The following TRPM4 variants were observed in gnomAD, a reference collection of about 807,000 sequenced individuals.
TRPM4 encodes transient receptor potential cation channel subfamily M member 4.
Under a neutral mutation model 135.6 loss-of-function variants are expected in TRPM4, and 124 were observed. The ratio of observed to expected loss-of-function variants is 0.91; its 90% CI spans 0.79 to 1.06. The LOEUF is 1.06. Among genes scored for constraint, TRPM4 ranks in the 50% least tolerant of loss-of-function variants. TRPM4 has a pLI of 0.00. For synonymous variants in TRPM4, 745 were observed against 705.6 expected (o/e 1.06, Z -0.88); for missense variants, 1,658 against 1,671.4 (o/e 0.99, Z 0.14).
At position 49,182,934 on chromosome 19, in the gene TRPM4, G is replaced by A. The variant is rs1163716204; in HGVS notation, c.1608+12G>A. On this transcript the variant is annotated intron_variant, in intron 11 of 24. Coordinates refer to ENST00000252826, the MANE Select transcript of TRPM4 (RefSeq NM_017636.4). ...GCTTCGGGGAGAGCGTAAGGACCGG[G>A]CAAAGCTGGGGGGCCCCCCCGCGCG... 3 of 1,584,502 alleles carry A rather than the reference G, an allele frequency of 1.9e-6. No homozygotes were observed. The highest frequency in any genetic ancestry group is 1.7e-5 in the Admixed American group (1 of 57,988).
rs76139110 is a variant in TRPM4, at chr19:49,202,022, T to C, written c.3012T>C (p.Pro1004=). 5.6e-5 allele frequency: 91 copies of C among 1,613,596 alleles called. No individual in the cohort carries two copies. Among genetic ancestry groups the C allele is most frequent in the Middle Eastern group, 1.6e-4 (1 of 6,084 alleles). Residue 1004 remains proline (P), a synonymous_variant, in exon 20 of 25, where the codon CCT becomes CCC. Coordinates refer to ENST00000252826, the MANE Select transcript of TRPM4 (RefSeq NM_017636.4). ...SSEPGFWAHP[P]GAQAGTCVSQ... ...AGCCCGGCTTCTGGGCACACCCTCCTGGGGCCCAGGCGGGCACCTGCGTCT... is the reference window on the plus strand; with the variant it reads ...AGCCCGGCTTCTGGGCACACCCTCCCGGGGCCCAGGCGGGCACCTGCGTCT...
chr19:49,189,078 AG>A lies in TRPM4; in HGVS notation c.2008del (p.Asp670MetfsTer7). On this transcript the variant is annotated frameshift_variant, in exon 14 of 25. Coordinates refer to ENST00000252826, the MANE Select transcript of TRPM4 (RefSeq NM_017636.4). LOFTEE classifies it high-confidence loss of function. ...GCTGACGCCCGTGCCTTCTTTGCCC[AG>A]GATGGGGTACAGGTGAGTATCTGCG... ...MQADARAFFAQDGVQSLLTQK... is the reference protein window; with the variant it reads ...MQADARAFFAXDGVQSLLTQK... 6.2e-7 allele frequency: 1 copy of A among 1,614,164 alleles called. No homozygotes were observed.
intron 2 of TRPM4, 90 bp from the exon 3 acceptor site, chr19:49,165,951 A>G (rs541517091): frequency 5.4e-5 from 72 of 1,339,836 alleles, no homozygotes; most frequent in Non-Finnish European, 6.9e-5. Context: ...CTCAGTGTCG[A>G]CAGCCCCCTC....
intron 20 of TRPM4, among the ~76,000 whole-genome samples, chr19:49,203,304 C>A (rs1284324423): frequency 2.0e-5 from 3 of 151,912 alleles, no homozygotes; most frequent in Non-Finnish European, 4.4e-5. Flanking sequence ...CTCAGCCTCC[C>A]AAGTAGCTAG....
chr19:49,178,762 T>TATTATTATTA (rs11446693), intron 9 of TRPM4, among the ~76,000 whole-genome samples: 15,884 of 149,304 alleles, frequency 0.11, 1,129 homozygotes, highest in South Asian at 0.17. Context: ...TTATTTTTAT[T>TATTATTATTA]TTTTTATTTT....
Position 49,166,182 on chromosome 19 carries a change from G to A in TRPM4, c.234G>A (p.Leu78=), listed in dbSNP as rs1445381706. 1 of 1,608,714 alleles carries A rather than the reference G, an allele frequency of 6.2e-7. No individual in the cohort carries two copies. The highest frequency in any genetic ancestry group is 8.5e-7 in the Non-Finnish European group (1 of 1,178,388). The change falls in exon 3 of 25, where the codon CTG becomes CTA. Residue 78 remains leucine (L), a synonymous_variant. Transcript: ENST00000252826. ...TEKPTDAYGE[L]DFTGAGRKHS... is the part of the protein sequence containing the mutation. ...AGCCCACCGATGCCTACGGAGAGCTGGACTTCACGGGGGCCGGCCGCAAGC... is the reference window on the plus strand; with the variant it reads ...AGCCCACCGATGCCTACGGAGAGCTAGACTTCACGGGGGCCGGCCGCAAGC...
intron 3 of TRPM4, 138 bp downstream of exon 3, chr19:49,166,353 C>T: frequency 1.2e-6 from 1 of 858,016 alleles, no homozygotes; most frequent in Non-Finnish European, 1.8e-6. Flanking sequence ...CCCCTCCGCC[C>T]CACCTATCTT....
intron 3 of TRPM4, among the ~76,000 whole-genome samples, chr19:49,167,064 G>T (rs1280452641): frequency 1.4e-5 from 2 of 140,608 alleles, no homozygotes; most frequent in Admixed American, 1.4e-4. Flanking sequence ...CTGGGTTTCT[G>T]TCCCCATCTC....
At chr19:49,201,387 T>C (rs571595992) in intron 19 of TRPM4, among the ~76,000 whole-genome samples, 2 of 152,374 alleles carry the variant, frequency 1.3e-5, no homozygotes, top group South Asian at 4.1e-4. Context: ...AGGAACAGGC[T>C]ATGATCTAAT....
At chr19:49,182,057 T>TATCCATCCATTTATCC (rs1967951429) in intron 10 of TRPM4, among the ~76,000 whole-genome samples, 1 of 130,280 alleles carries the variant, frequency 7.7e-6, no homozygotes, top group African/African-American at 3.1e-5. Flanking sequence ...TCCATCCATT[T>TATCCATCCATTTATCC]ATCCATCCAT....
chr19:49,168,076 G>A lies in TRPM4; in HGVS notation c.427G>A (p.Val143Met). 6.2e-7 allele frequency: 1 copy of A among 1,607,576 alleles called. No individual in the cohort carries two copies. The highest frequency in any genetic ancestry group is 8.5e-7 in the Non-Finnish European group (1 of 1,179,026). Residue 143 changes from valine (V) to methionine (M), a missense_variant, in exon 4 of 25, where the codon GTG (valine) becomes ATG (methionine). Transcript: ENST00000252826. ...WLQDLLRRGL[V>M]RAAQSTGAWI... The stretch of plus-strand genomic sequence containing the variant: ...GCAGGACCTGCTGCGTCGTGGGCTG[G>A]TGCGGGCTGCCCAGAGCACAGGTGA...
intron 9 of TRPM4, among the ~76,000 whole-genome samples, chr19:49,175,067 C>CATTTT (rs1967626864): frequency 1.3e-5 from 1 of 77,596 alleles, no homozygotes; most frequent in Non-Finnish European, 2.2e-5. Flanking sequence ...TCATGCCTGG[C>CATTTT]TTTTTTTTTT....
chr19:49,185,899 T>A (rs1163582212), intron 12 of TRPM4, among the ~76,000 whole-genome samples: 1 of 151,986 alleles, frequency 6.6e-6, no homozygotes. Context: ...TACAGGTGTG[T>A]GCCACCACAC....
chr19:49,193,690 T>C (rs1968500314), intron 16 of TRPM4, among the ~76,000 whole-genome samples: 1 of 151,956 alleles, frequency 6.6e-6, no homozygotes, highest in African/African-American at 2.4e-5. Flanking sequence ...TGGGGGAAGC[T>C]TTCTGACCCA....
chr19:49,211,318 T>C lies in TRPM4; in HGVS notation c.3640+49T>C. 1 of 1,580,382 alleles carries C rather than the reference T, an allele frequency of 6.3e-7. No homozygotes were observed. The highest frequency in any genetic ancestry group is 8.6e-7 in the Non-Finnish European group (1 of 1,160,184). ...GCATCTCCAGCCTCTGTTCCTGTAT[T>C]TTTGCGTGTTTTTCTCTCTCGGCAC... On this transcript the variant is annotated intron_variant, in intron 24 of 24. Coordinates refer to ENST00000252826, the MANE Select transcript of TRPM4 (RefSeq NM_017636.4). This position sits in a 1 kb window ranked among gnomAD's most constrained non-coding sequence, Gnocchi z 4.8.
intron 4 of TRPM4, 33 bp from the exon 5 acceptor site, chr19:49,168,227 C>T: frequency 6.2e-7 from 1 of 1,613,862 alleles, no homozygotes; most frequent in Non-Finnish European, 8.5e-7. Flanking sequence ...TTTCTCTCCC[C>T]CTGCCTCTGC....
chr19:49,204,705 A>T (rs80294044), intron 20 of TRPM4, among the ~76,000 whole-genome samples: 8,504 of 148,810 alleles, frequency 0.057, 697 homozygotes, highest in African/African-American at 0.18. Flanking sequence ...TGTTTTTTTA[A>T]TTTTTTTTTT....
At chr19:49,178,298 C>T (rs545713898) in intron 9 of TRPM4, among the ~76,000 whole-genome samples, 51 of 152,252 alleles carry the variant, frequency 3.3e-4, no homozygotes, top group Non-Finnish European at 4.3e-4. Context: ...GCACTCCAGA[C>T]TGGGTGACAG....
chr19:49,179,205 G>T (rs944438370), intron 9 of TRPM4, among the ~76,000 whole-genome samples: 2 of 150,858 alleles, frequency 1.3e-5, no homozygotes, highest in African/African-American at 4.9e-5. Context: ...ACAGGCATGA[G>T]CCACCACGCC....
Sources: allele counts gnomAD v4.1 joint callset (sites outside exome capture counted in the v4.1 genomes callset), GRCh38; gene constraint gnomAD v4.1.1; non-coding constraint Gnocchi (gnomAD v3.1); transcripts MANE v1.5; gene names NCBI Gene and HGNC (gene_info 2026-07-23, HGNC 2026-07-21).